COG7: variants seen among roughly 807,000 people sequenced by gnomAD.
COG7 encodes conserved oligomeric Golgi complex subunit 7.
COG7 carries 49 observed loss-of-function variants against 91.5 expected under a neutral mutation model. The ratio of observed to expected loss-of-function variants is 0.54; its 90% confidence interval spans 0.43 to 0.68. COG7 has a LOEUF of 0.68. Ranked by LOEUF, COG7 falls within the 30% of genes least tolerant of loss-of-function variation. COG7 has a pLI of 0.00. For synonymous variants in COG7, 365 were observed against 388.7 expected, an observed-to-expected ratio of 0.94 and a Z score of 0.72; for missense variants, 895 against 961.3, an observed-to-expected ratio of 0.93 and a Z score of 0.91.
chr16:23,451,992 T>C (rs531230097), intron 1 of COG7, among the ~76,000 whole-genome samples: 19 of 152,266 alleles, frequency 1.2e-4, no homozygotes, highest in Non-Finnish European at 2.5e-4. Flanking sequence ...CTCGTGCTCC[T>C]AGATTACAAA....
chr16:23,389,449 A>T (rs1963153559), intron 16 of COG7, among the ~76,000 whole-genome samples: 1 of 150,670 alleles, frequency 6.6e-6, no homozygotes, highest in East Asian at 2.0e-4. Context: ...ACATGCACAC[A>T]CTCTCACATC....
At chr16:23,392,953 A>G (rs1377760725) in intron 15 of COG7, among the ~76,000 whole-genome samples, 1 of 152,100 alleles carries the variant, frequency 6.6e-6, no homozygotes, top group African/African-American at 2.4e-5. Flanking sequence ...AATACAGAAT[A>G]CAAAGTTACA....
intron 13 of COG7, among the ~76,000 whole-genome samples, chr16:23,399,926 A>T (rs1963346831): frequency 6.6e-6 from 1 of 152,222 alleles, no homozygotes; most frequent in Non-Finnish European, 1.5e-5. Flanking sequence ...TTATAAAACA[A>T]CTGGAAATTT....
chr16:23,403,623 A>C, intron 13 of COG7, 71 bp downstream of exon 13: 1 of 1,583,088 alleles, frequency 6.3e-7, no homozygotes, highest in Non-Finnish European at 8.7e-7. Context: ...GGGAGGGTTA[A>C]GCCCACACTC....
intron 11 of COG7, among the ~76,000 whole-genome samples, chr16:23,407,855 G>A (rs1018493266): frequency 5.3e-5 from 8 of 151,832 alleles, no homozygotes; most frequent in African/African-American, 1.9e-4. Flanking sequence ...TGGCTGAGAA[G>A]TGGGCAATAA....
intron 3 of COG7, 105 bp from the exon 4 acceptor site, chr16:23,442,750 G>A (rs1964121832): frequency 9.7e-7 from 1 of 1,034,904 alleles, no homozygotes; most frequent in Admixed American, 1.7e-5. Context: ...TATGAAAATG[G>A]GGCTGGGCAT....
At chr16:23,431,677 C>T (rs552153719) in intron 6 of COG7, among the ~76,000 whole-genome samples, 45 of 151,692 alleles carry the variant, frequency 3.0e-4, no homozygotes, top group Non-Finnish European at 5.0e-4. Flanking sequence ...GGAGTGGTGG[C>T]GGATGCCTGT....
intron 11 of COG7, among the ~76,000 whole-genome samples, 199 bp from the exon 12 acceptor site, chr16:23,406,461 C>T (rs1053200178): frequency 6.6e-6 from 1 of 152,126 alleles, no homozygotes; most frequent in Non-Finnish European, 1.5e-5. Context: ...ATAAAAAAAA[C>T]CCAGTGTTTT....
rs71379679 is a variant in COG7, at chr16:23,445,969, T to TAAAAAA, written c.170-14_170-9dup. ...GAGCTTGGTGACTTGTTTCTGTAGT[T>TAAAAAA]AAAAAAAAAAAAAAAAACAACAACA... On this transcript the variant is annotated splice_polypyrimidine_tract_variant and intron_variant, in intron 1 of 16. Coordinates refer to ENST00000307149, the MANE Select transcript of COG7 (RefSeq NM_153603.4). The TAAAAAA allele has an allele frequency of 2.7e-5, 41 of 1,492,214 alleles. No individual in the cohort carries two copies. Among genetic ancestry groups the TAAAAAA allele is most frequent in the Middle Eastern group, 1.9e-4 (1 of 5,362 alleles). The allele number at this position is 1,492,214 out of a possible 1,614,324, so 92.4% of individuals were successfully genotyped here. A position where few individuals can be genotyped will look rare whatever the true frequency, so the allele number is the denominator to read the frequency against.
rs373494185 is a variant in COG7 at position 23,449,380 on chromosome 16, T to TTAAAATAAAATAAAA, written c.169+3431_170-3420dup. Among the ~76,000 whole-genome samples, 1,116 of 134,698 alleles carry TTAAAATAAAATAAAA rather than the reference T, an allele frequency of 8.3e-3. 22 individuals are homozygous for TTAAAATAAAATAAAA. The highest frequency in any genetic ancestry group is 0.027 in the African/African-American group (977 of 35,774). The allele number at this position is 134,698 out of a possible 152,430, so 88.4% of individuals were successfully genotyped here. On this transcript the variant is annotated intron_variant, in intron 1 of 16. Transcript: ENST00000307149. Reference sequence around the variant, plus strand: ...TCCATCTCAAAAAAATAAAATTAAATTAAAATAAAATAAAATAAAATAAAA... The same window carrying TTAAAATAAAATAAAA: ...TCCATCTCAAAAAAATAAAATTAAATTAAAATAAAATAAAATAAAATAAAATAAAATAAAATAAAA...
At chr16:23,410,259 C>T in intron 11 of COG7, 36 bp downstream of exon 11, 1 of 1,588,356 alleles carries the variant, frequency 6.3e-7, no homozygotes, top group Non-Finnish European at 8.6e-7. Flanking sequence ...GATCAGGAAC[C>T]CCAGGGTGTA....
At chr16:23,433,006 G>C (rs1963957240) in intron 6 of COG7, among the ~76,000 whole-genome samples, 1 of 152,184 alleles carries the variant, frequency 6.6e-6, no homozygotes, top group African/African-American at 2.4e-5. Flanking sequence ...GATAAGAGTG[G>C]TAAGAAGAGT....
Position 23,445,197 on chromosome 16 carries a change from G to C in COG7, c.319-33C>G. The C allele has an allele frequency of 2.0e-6, 3 of 1,471,350 alleles. No individual in the cohort carries two copies. The South Asian group carries it at 3.4e-5, about 17-fold the overall frequency. 91.1% of individuals were successfully genotyped at this position (1,471,350 alleles called of 1,614,324 possible). On this transcript the variant is annotated intron_variant, in intron 2 of 16. Coordinates refer to ENST00000307149, the MANE Select transcript of COG7 (RefSeq NM_153603.4). ...AGGCGTGAGGGGTGAAAAATGAAGGGGTAGGTCCTTTTTCTCCATCTGCCA... is the reference window on the plus strand; with the variant it reads ...AGGCGTGAGGGGTGAAAAATGAAGGCGTAGGTCCTTTTTCTCCATCTGCCA...
In COG7 at chr16:23,445,969, T is replaced by TAA. The variant is rs71379679; in HGVS notation, c.170-10_170-9dup. Reference sequence around the variant, plus strand: ...GAGCTTGGTGACTTGTTTCTGTAGTTAAAAAAAAAAAAAAAAACAACAACA... The same window carrying TAA: ...GAGCTTGGTGACTTGTTTCTGTAGTTAAAAAAAAAAAAAAAAAAACAACAACA... On this transcript the variant is annotated splice_polypyrimidine_tract_variant and intron_variant, in intron 1 of 16. Transcript: ENST00000307149. 5.0e-4 allele frequency: 742 copies of TAA among 1,488,844 alleles called. No individual in the cohort carries two copies. The highest frequency in any genetic ancestry group is 1.1e-3 in the Admixed American group (57 of 51,124). 92.2% of individuals were successfully genotyped at this position (1,488,844 alleles called of 1,614,324 possible).
intron 9 of COG7, chr16:23,416,695 T>C (rs1347267048): frequency 4.0e-6 from 2 of 498,012 alleles, no homozygotes; most frequent in African/African-American, 1.9e-5. Context: ...GTTTCTTTTT[T>C]TTTCTTAACA....
intron 1 of COG7, among the ~76,000 whole-genome samples, chr16:23,449,734 A>G (rs1964238141): frequency 6.7e-6 from 1 of 150,288 alleles, no homozygotes; most frequent in African/African-American, 2.4e-5. Flanking sequence ...CTGGGCAACA[A>G]GATTGAAACT....
intron 15 of COG7, 88 bp downstream of exon 15, chr16:23,393,145 G>T: frequency 1.1e-6 from 1 of 913,564 alleles, no homozygotes; most frequent in Non-Finnish European, 1.8e-6. Flanking sequence ...GGTGACAAAT[G>T]AGCCCAAGGA....
intron 4 of COG7, among the ~76,000 whole-genome samples, chr16:23,439,091 G>A (rs1236466923): frequency 2.0e-5 from 3 of 148,636 alleles, no homozygotes; most frequent in Middle Eastern, 3.5e-3. Context: ...CTGGGTGGCA[G>A]AGGTCACAGT....
At chr16:23,438,953 T>C (rs768950869) in intron 4 of COG7, among the ~76,000 whole-genome samples, 47 of 151,294 alleles carry the variant, frequency 3.1e-4, no homozygotes, top group Admixed American at 5.3e-4. Context: ...AGGCCAGGAG[T>C]TCGAGACCAG....
Sources: allele counts gnomAD v4.1 joint callset (sites outside exome capture counted in the v4.1 genomes callset), GRCh38; gene constraint gnomAD v4.1.1; transcripts MANE v1.5; gene names NCBI Gene and HGNC (gene_info 2026-07-23, HGNC 2026-07-21).